The following GPRASP3 variants were observed in gnomAD, a reference collection of about 807,000 sequenced individuals.
GPRASP3 encodes the protein G protein-coupled receptor associated sorting protein 3.
chrX:102,741,102 T>C, the GPRASP3 span, among the ~76,000 whole-genome samples: 1 of 111,271 alleles, frequency 9.0e-6, no homozygotes, highest in Admixed American at 9.5e-5. Flanking sequence ...ACCTCAATTC[T>C]TGCCTCCTCA....
chrX:102,748,536 G>A, the GPRASP3 span, among the ~76,000 whole-genome samples: 2 of 112,494 alleles, frequency 1.8e-5, no homozygotes, highest in African/African-American at 6.5e-5. Flanking sequence ...ACATTGTTGA[G>A]CATTAGTGGC....
the GPRASP3 span, among the ~76,000 whole-genome samples, chrX:102,740,572 G>A: frequency 9.0e-6 from 1 of 111,316 alleles, no homozygotes; most frequent in African/African-American, 3.3e-5. Context: ...AGCAGCCAGG[G>A]AAGCATAACC....
the GPRASP3 span, among the ~76,000 whole-genome samples, chrX:102,745,668 G>A: frequency 2.7e-5 from 3 of 111,438 alleles, no homozygotes; most frequent in Non-Finnish European, 3.8e-5. Context: ...CGGGGGTGCA[G>A]ACACACCAAG....
At chrX:102,736,286 A>G in the GPRASP3 span, among the ~76,000 whole-genome samples, 6 of 112,545 alleles carry the variant, frequency 5.3e-5, no homozygotes, top group African/African-American at 1.6e-4. Context: ...ACTAAAAGGC[A>G]TTACAGTTTA....
chrX:102,740,545 C>T, the GPRASP3 span, among the ~76,000 whole-genome samples: 3 of 111,133 alleles, frequency 2.7e-5, no homozygotes, highest in Non-Finnish European at 5.7e-5. Flanking sequence ...AATCAACCAA[C>T]ATCAACAAGC....
the GPRASP3 span, among the ~76,000 whole-genome samples, chrX:102,735,910 T>A: frequency 1.8e-5 from 2 of 112,551 alleles, no homozygotes; most frequent in Non-Finnish European, 3.7e-5. Flanking sequence ...CTTTAGTAGT[T>A]TCAAATACAT....
the GPRASP3 span, among the ~76,000 whole-genome samples, chrX:102,725,550 G>A: frequency 6.1e-5 from 6 of 98,534 alleles, no homozygotes; most frequent in Non-Finnish European, 1.0e-4. Flanking sequence ...TTTTTGAGAC[G>A]GAGTCTCACT....
the GPRASP3 span, among the ~76,000 whole-genome samples, chrX:102,731,133 A>G: frequency 1.8e-5 from 2 of 113,022 alleles, no homozygotes; most frequent in African/African-American, 6.4e-5. Flanking sequence ...TTTAGAAAAT[A>G]CTAAGCAGGA....
chrX:102,748,906 G>A, the GPRASP3 span: 23 of 961,564 alleles, frequency 2.4e-5, no homozygotes, highest in African/African-American at 1.2e-4. Flanking sequence ...GTTTTTCCCC[G>A]ACCCAGTGAA....
the GPRASP3 span, among the ~76,000 whole-genome samples, chrX:102,722,414 A>G: frequency 1.8e-5 from 2 of 112,558 alleles, no homozygotes; most frequent in African/African-American, 6.5e-5. Context: ...CCTTCCCAGA[A>G]TATGAATGAG....
the GPRASP3 span, chrX:102,751,411 AG>A: frequency 8.1e-6 from 1 of 123,102 alleles, no homozygotes; most frequent in Non-Finnish European, 1.9e-5. Context: ...TATTTTTATT[AG>A]AACTCATTAT....
chrX:102,752,659 T>C, the GPRASP3 span: 1 of 123,791 alleles, frequency 8.1e-6, no homozygotes, highest in Admixed American at 9.4e-5. Flanking sequence ...AGAAATATAA[T>C]TGCCATACAT....
chrX:102,731,029 A>G, the GPRASP3 span, among the ~76,000 whole-genome samples: 1 of 112,751 alleles, frequency 8.9e-6, no homozygotes, highest in Non-Finnish European at 1.9e-5. Flanking sequence ...CTAGAAAGAA[A>G]ACAGTGAATT....
chrX:102,733,447 C>T, the GPRASP3 span, among the ~76,000 whole-genome samples: 17 of 98,140 alleles, frequency 1.7e-4, no homozygotes, highest in Non-Finnish European at 3.2e-4. Flanking sequence ...CAACAAAGAG[C>T]GAAACTCCAT....
chrX:102,746,613 C>T, the GPRASP3 span, among the ~76,000 whole-genome samples: 3 of 112,317 alleles, frequency 2.7e-5, no homozygotes, highest in Non-Finnish European at 3.8e-5. Flanking sequence ...GCGTTCGCTA[C>T]TCGGGGCCCT....
the GPRASP3 span, among the ~76,000 whole-genome samples, chrX:102,731,610 G>T: frequency 9.2e-6 from 1 of 108,279 alleles, no homozygotes; most frequent in Non-Finnish European, 1.9e-5. Flanking sequence ...GGGCAACAGA[G>T]CGAGACTCCA....
the GPRASP3 span, chrX:102,750,043 G>T: frequency 8.3e-7 from 1 of 1,200,145 alleles, no homozygotes; most frequent in East Asian, 3.0e-5. Context: ...TGCAATGGGT[G>T]TCCATAATGT....
the GPRASP3 span, among the ~76,000 whole-genome samples, chrX:102,737,898 A>G: frequency 9.0e-6 from 1 of 111,278 alleles, no homozygotes; most frequent in South Asian, 3.8e-4. Context: ...AGACATTACC[A>G]GGGACCGGTG....
At chrX:102,728,569 CTTTT>C in the GPRASP3 span, among the ~76,000 whole-genome samples, 4 of 61,785 alleles carry the variant, frequency 6.5e-5, no homozygotes, top group Admixed American at 5.8e-4. Flanking sequence ...ATGTGCACTG[CTTTT>C]TTTTTTTTTT....
Sources: allele counts gnomAD v4.1 joint callset (sites outside exome capture counted in the v4.1 genomes callset), GRCh38; gene constraint gnomAD v4.1.1; transcripts MANE v1.5; gene names NCBI Gene and HGNC (gene_info 2026-07-23, HGNC 2026-07-21).